Variants in ZRANB3 observed in about 807,000 individuals in gnomAD.
ZRANB3 encodes DNA annealing helicase and endonuclease ZRANB3.
In ZRANB3, 125 loss-of-function variants were observed where a neutral mutation model predicts 133.8. The observed-to-expected ratio is 0.93, with a 90% CI of 0.81 to 1.08. The LOEUF (loss-of-function observed/expected upper bound fraction) is 1.08. Among genes scored for constraint, ZRANB3 ranks in the 50% least tolerant of loss-of-function variants. The pLI is 0.00. For synonymous variants in ZRANB3, 387 were observed against 432.7 expected, an observed-to-expected ratio of 0.89 and a Z score of 1.31; for missense variants, 1,229 against 1,275.5, an observed-to-expected ratio of 0.96 and a Z score of 0.56.
intron 1 of ZRANB3, among the ~76,000 whole-genome samples, chr2:135,526,264 A>T (rs976649399): frequency 6.6e-6 from 1 of 151,104 alleles, no homozygotes; most frequent in Non-Finnish European, 1.5e-5. Flanking sequence ...CCCAGGTTCA[A>T]GCCATTCTCC....
chr2:135,413,555 A>G (rs1261292523), intron 2 of ZRANB3, among the ~76,000 whole-genome samples: 2 of 152,202 alleles, frequency 1.3e-5, no homozygotes, highest in Non-Finnish European at 2.9e-5. Context: ...TCATTTGATC[A>G]CAGCTTGGTT....
intron 13 of ZRANB3, among the ~76,000 whole-genome samples, chr2:135,229,960 A>G (rs1383845132): frequency 1.3e-5 from 2 of 152,212 alleles, no homozygotes; most frequent in Admixed American, 6.5e-5. Flanking sequence ...TGTTTTAAAA[A>G]AGAATAAACT....
intron 3 of ZRANB3, among the ~76,000 whole-genome samples, chr2:135,365,397 G>A (rs922848028): frequency 1.3e-5 from 2 of 152,152 alleles, no homozygotes; most frequent in Non-Finnish European, 2.9e-5. Context: ...TTTGCACCTT[G>A]CTTTGATTAT....
At chr2:135,500,655 CA>C (rs534517494) in intron 2 of ZRANB3, among the ~76,000 whole-genome samples, 25 of 149,050 alleles carry the variant, frequency 1.7e-4, no homozygotes, top group African/African-American at 5.9e-4. Flanking sequence ...GTGATGCTGG[CA>C]ATGTTCTATT....
intron 8 of ZRANB3, among the ~76,000 whole-genome samples, chr2:135,303,272 C>A (rs1682527123): frequency 6.6e-6 from 1 of 152,080 alleles, no homozygotes; most frequent in South Asian, 2.1e-4. Context: ...CTTTTTGTAT[C>A]CTGTCTAAAA....
In ZRANB3 at chr2:135,233,819, G is replaced by C. The variant is rs1695152290; in HGVS notation, c.1540-2892C>G. On this transcript the variant is annotated intron_variant, in intron 12 of 20. Coordinates refer to ENST00000264159, the MANE Select transcript of ZRANB3 (RefSeq NM_032143.4). ...CACTAAACATGGAAAGGAACAACCA[G>C]TACAAGCCACTGCAAAAACATGCCA... Among the ~76,000 whole-genome samples the C allele has an allele frequency of 2.0e-5, 3 of 152,112 alleles. No homozygotes were observed. In the South Asian group the frequency reaches 6.2e-4, roughly 32 times the overall value.
chr2:135,208,233 G>A lies in ZRANB3; in HGVS notation c.2607-397C>T, dbSNP rs1693960307. Among the ~76,000 whole-genome samples, 4 of 152,296 alleles carry A rather than the reference G, an allele frequency of 2.6e-5. No individual in the cohort carries two copies. The South Asian group carries it at 8.3e-4, about 32-fold the overall frequency. ...ATATATGTGGTCACACACCTCATTAGCTCAGAGAGGTAATTACAAACTCTC... is the reference window on the plus strand; with the variant it reads ...ATATATGTGGTCACACACCTCATTAACTCAGAGAGGTAATTACAAACTCTC... On this transcript the variant is annotated intron_variant, in intron 18 of 20. Coordinates refer to ENST00000264159, the MANE Select transcript of ZRANB3 (RefSeq NM_032143.4).
At chr2:135,509,819 C>G (rs1693360705) in intron 1 of ZRANB3, among the ~76,000 whole-genome samples, 1 of 152,058 alleles carries the variant, frequency 6.6e-6, no homozygotes, top group Non-Finnish European at 1.5e-5. Context: ...AAGTTCTATT[C>G]CTTTTATTGT....
At chr2:135,265,768 A>G in intron 11 of ZRANB3, 82 bp from the exon 12 acceptor site, 1 of 1,403,882 alleles carries the variant, frequency 7.1e-7, no homozygotes, top group African/African-American at 1.4e-5. Flanking sequence ...TTTGCATTTA[A>G]ATCATAAGCT....
rs531052521 is a variant in ZRANB3, at chr2:135,210,830, T to G, written c.2496-1852A>C. 5.9e-5 allele frequency among the ~76,000 whole-genome samples: 9 copies of G among 152,234 alleles called. No individual in the cohort carries two copies. The South Asian group carries it at 1.9e-3, about 32-fold the overall frequency. The stretch of plus-strand genomic sequence containing the variant: ...CCTATTAAGAGTAAGGGGGAATATC[T>G]TTTCACACATTCACATGGTGAAACC... On this transcript the variant is annotated intron_variant, in intron 17 of 20. Transcript: ENST00000264159.
At chr2:135,254,986 G>A (rs1211911911) in intron 12 of ZRANB3, among the ~76,000 whole-genome samples, 4 of 151,800 alleles carry the variant, frequency 2.6e-5, no homozygotes, top group Non-Finnish European at 5.9e-5. Context: ...ATCCTGACCT[G>A]GTGATCTGCC....
intron 9 of ZRANB3, among the ~76,000 whole-genome samples, chr2:135,273,460 AG>A (rs1680635628): frequency 6.6e-6 from 1 of 152,214 alleles, no homozygotes; most frequent in Admixed American, 6.5e-5. Context: ...AAATTCTCTC[AG>A]GGTCTTTCTA....
intron 2 of ZRANB3, among the ~76,000 whole-genome samples, chr2:135,448,075 G>A (rs1400606037): frequency 6.6e-6 from 1 of 152,104 alleles, no homozygotes; most frequent in Non-Finnish European, 1.5e-5. Context: ...AATTACAAAG[G>A]AAAAGGAAAT....
chr2:135,509,636 G>A (rs1390590103), intron 1 of ZRANB3, among the ~76,000 whole-genome samples: 5 of 151,730 alleles, frequency 3.3e-5, no homozygotes, highest in African/African-American at 1.2e-4. Flanking sequence ...TTTGTCTTTT[G>A]TTTTTTTACA....
intron 1 of ZRANB3, among the ~76,000 whole-genome samples, chr2:135,512,133 G>A (rs1693493175): frequency 6.6e-6 from 1 of 151,994 alleles, no homozygotes; most frequent in African/African-American, 2.4e-5. Context: ...TATTGGCTAG[G>A]GAAATTTAGT....
intron 3 of ZRANB3, among the ~76,000 whole-genome samples, chr2:135,375,712 C>T (rs1255252134): frequency 4.0e-5 from 6 of 149,786 alleles, no homozygotes; most frequent in South Asian, 2.1e-4. Flanking sequence ...CAAAGTTGGC[C>T]GGGGTGGTGG....
intron 3 of ZRANB3, among the ~76,000 whole-genome samples, chr2:135,387,993 C>G (rs1472761100): frequency 6.6e-6 from 1 of 152,128 alleles, no homozygotes; most frequent in African/African-American, 2.4e-5. Flanking sequence ...GTGTCTTAGT[C>G]TGTTCTCACA....
intron 8 of ZRANB3, among the ~76,000 whole-genome samples, chr2:135,282,882 T>G (rs1324612275): frequency 6.6e-6 from 1 of 152,170 alleles, no homozygotes; most frequent in Non-Finnish European, 1.5e-5. Context: ...ATGACCTAAT[T>G]CCATTTACCC....
At chr2:135,209,694 T>C (rs1694018235) in intron 17 of ZRANB3, among the ~76,000 whole-genome samples, 1 of 152,212 alleles carries the variant, frequency 6.6e-6, no homozygotes, top group Non-Finnish European at 1.5e-5. Flanking sequence ...ACCTGATTAA[T>C]TCCTTCTTAT....
Sources: allele counts gnomAD v4.1 joint callset (sites outside exome capture counted in the v4.1 genomes callset), GRCh38; gene constraint gnomAD v4.1.1; transcripts MANE v1.5; gene names NCBI Gene and HGNC (gene_info 2026-07-23, HGNC 2026-07-21).